CTNNA2: variants seen among roughly 807,000 people sequenced by gnomAD.
The protein encoded by CTNNA2 is catenin alpha-2.
A neutral mutation model predicts 101.0 loss-of-function variants in CTNNA2; 42 were observed. That is an observed-to-expected ratio of 0.42 (90% CI 0.32 to 0.54). The LOEUF (loss-of-function observed/expected upper bound fraction) is 0.54, where lower values mean the gene tolerates loss of function less well. Among genes scored for constraint, CTNNA2 ranks in the 20% least tolerant of loss-of-function variants. The pLI is 0.14. For synonymous variants in CTNNA2, 450 were observed against 456.4 expected (o/e 0.99, Z 0.18); for missense variants, 871 against 1,223.1 (o/e 0.71, Z 4.29).
In CTNNA2 at chr2:80,638,669, A is replaced by G. The variant is rs563264752; in HGVS notation, c.2575-8916A>G. On this transcript the variant is annotated intron_variant, in intron 18 of 18. Coordinates refer to ENST00000402739, the MANE Select transcript of CTNNA2 (RefSeq NM_001282597.3). ...GTGAGAAAAAAAATGGCTCTAAGCCATATTTAGGAAATTTGTTGACTATAA... is the reference window on the plus strand; with the variant it reads ...GTGAGAAAAAAAATGGCTCTAAGCCGTATTTAGGAAATTTGTTGACTATAA... Among the ~76,000 whole-genome samples the G allele has an allele frequency of 9.2e-5, 14 of 152,338 alleles. No homozygotes were observed. The South Asian group carries it at 2.9e-3, about 32-fold the overall frequency.
intron 7 of CTNNA2, among the ~76,000 whole-genome samples, chr2:80,261,180 A>G (rs1355060481): frequency 6.6e-6 from 1 of 152,230 alleles, no homozygotes; most frequent in Non-Finnish European, 1.5e-5. Context: ...CTCAGATGAC[A>G]CATATACCTA....
intron 3 of CTNNA2, among the ~76,000 whole-genome samples, chr2:79,315,691 T>C (rs1676480836): frequency 6.6e-6 from 1 of 152,180 alleles, no homozygotes; most frequent in South Asian, 2.1e-4. Flanking sequence ...ACATTTTTGC[T>C]ACTATGGATA....
At chr2:79,474,643 T>G (rs1255980735) in intron 4 of CTNNA2, among the ~76,000 whole-genome samples, 2 of 152,194 alleles carry the variant, frequency 1.3e-5, no homozygotes, top group East Asian at 3.8e-4. Context: ...TATTTTAATT[T>G]TAATTTATAT....
At chr2:80,567,654 T>C (rs1464764916) in intron 12 of CTNNA2, among the ~76,000 whole-genome samples, 2 of 152,172 alleles carry the variant, frequency 1.3e-5, no homozygotes, top group African/African-American at 4.8e-5. Context: ...TTACCTGGTA[T>C]AGGGGACACT....
At position 80,161,069 on chromosome 2, in the gene CTNNA2, G is replaced by GTC. The variant is rs954395501; in HGVS notation, c.1057-232132_1057-232131dup. Among the ~76,000 whole-genome samples, 11 of 152,140 alleles carry GTC rather than the reference G, an allele frequency of 7.2e-5. No homozygotes were observed. In the South Asian group the frequency reaches 1.7e-3, roughly 23 times the overall value. On this transcript the variant is annotated intron_variant, in intron 7 of 18. Transcript: ENST00000402739. ...CCTTTAGCTTTTTTCTTGAGACAGA[G>GTC]TCTCTCTCTCTGTCGCAAAGACTGC...
chr2:79,982,345 T>A lies in CTNNA2; in HGVS notation c.1056+72548T>A, dbSNP rs1302872943. On this transcript the variant is annotated intron_variant, in intron 7 of 18. Transcript: ENST00000402739. ...ATATAACACACATATAAAACATATA[T>A]AACCTATATAACCTATATAACATAT... 9.0e-5 allele frequency among the ~76,000 whole-genome samples: 10 copies of A among 110,890 alleles called. 1 individual carries two copies. The highest frequency in any genetic ancestry group is 1.9e-4 in the Non-Finnish European group (10 of 53,194). 72.7% of individuals were successfully genotyped at this position (110,890 alleles called of 152,430 possible).
At chr2:80,359,018 T>A (rs941896956) in intron 7 of CTNNA2, among the ~76,000 whole-genome samples, 4 of 152,090 alleles carry the variant, frequency 2.6e-5, no homozygotes, top group African/African-American at 9.7e-5. Context: ...TGAACATTTT[T>A]ATTGATTTTT....
At chr2:79,488,358 A>G (rs1268527067) in intron 4 of CTNNA2, among the ~76,000 whole-genome samples, 1 of 150,880 alleles carries the variant, frequency 6.6e-6, no homozygotes, top group Non-Finnish European at 1.5e-5. Flanking sequence ...GTTCAAACAC[A>G]TGTGTGGCCT....
chr2:80,630,357 AT>A (rs1465067343), intron 18 of CTNNA2, among the ~76,000 whole-genome samples: 2 of 152,120 alleles, frequency 1.3e-5, no homozygotes, highest in African/African-American at 4.8e-5. Context: ...CTCTCTGTAC[AT>A]TTTAAAATTT....
At chr2:79,192,449 C>A (rs1673887162) in intron 1 of CTNNA2, among the ~76,000 whole-genome samples, 1 of 152,150 alleles carries the variant, frequency 6.6e-6, no homozygotes. Flanking sequence ...CCATGATGGT[C>A]TGGGTAGACA....
At chr2:80,229,322 CT>C (rs1481514864) in intron 7 of CTNNA2, among the ~76,000 whole-genome samples, 1 of 152,198 alleles carries the variant, frequency 6.6e-6, no homozygotes, top group Non-Finnish European at 1.5e-5. Flanking sequence ...AAGGCTGCCC[CT>C]ATTTCAGATG....
chr2:79,721,739 T>C (rs1686503183), intron 2 of CTNNA2, among the ~76,000 whole-genome samples: 1 of 152,208 alleles, frequency 6.6e-6, no homozygotes, highest in Non-Finnish European at 1.5e-5. Flanking sequence ...GCTCTTCTAC[T>C]GAATATGTTC....
intron 7 of CTNNA2, among the ~76,000 whole-genome samples, chr2:80,274,484 C>A (rs1673741279): frequency 1.3e-5 from 2 of 152,276 alleles, no homozygotes; most frequent in South Asian, 2.1e-4. Context: ...GATCTTTCTG[C>A]CACTCTTCTC....
At chr2:79,584,268 C>T (rs928038550) in intron 1 of CTNNA2, among the ~76,000 whole-genome samples, 11 of 152,052 alleles carry the variant, frequency 7.2e-5, no homozygotes, top group African/African-American at 2.4e-4. Context: ...TCCTATGGTT[C>T]ATAAAAAGAG....
At chr2:79,704,301 C>T (rs564710880) in intron 2 of CTNNA2, among the ~76,000 whole-genome samples, 8 of 152,058 alleles carry the variant, frequency 5.3e-5, no homozygotes, top group Non-Finnish European at 1.2e-4. Flanking sequence ...TCTTTTCTTC[C>T]TTTATTGTTA....
intron 1 of CTNNA2, among the ~76,000 whole-genome samples, chr2:79,617,390 G>A (rs1418604875): frequency 6.6e-6 from 1 of 151,940 alleles, no homozygotes; most frequent in African/African-American, 2.4e-5. Context: ...TTAATTTACT[G>A]TCTTTTAAAT....
At chr2:80,000,338 G>A (rs1370924177) in intron 7 of CTNNA2, among the ~76,000 whole-genome samples, 3 of 152,120 alleles carry the variant, frequency 2.0e-5, no homozygotes, top group Non-Finnish European at 4.4e-5. Context: ...AGTATTTGCA[G>A]TTTCTGACAA....
chr2:80,118,845 A>G (rs1701672200), intron 7 of CTNNA2, among the ~76,000 whole-genome samples: 1 of 152,248 alleles, frequency 6.6e-6, no homozygotes, highest in South Asian at 2.1e-4. Context: ...GAGCCTATCC[A>G]GGCCTGATGT....
At chr2:80,213,882 A>G (rs977392799) in intron 7 of CTNNA2, among the ~76,000 whole-genome samples, 4 of 152,182 alleles carry the variant, frequency 2.6e-5, no homozygotes, top group African/African-American at 4.8e-5. Flanking sequence ...GACTTGCTTT[A>G]TGAATCTGGG....
Sources: allele counts gnomAD v4.1 joint callset (sites outside exome capture counted in the v4.1 genomes callset), GRCh38; gene constraint gnomAD v4.1.1; transcripts MANE v1.5; gene names NCBI Gene and HGNC (gene_info 2026-07-23, HGNC 2026-07-21).